Variants in SPDEF observed in about 807,000 individuals in gnomAD.
SPDEF encodes the protein SAM pointed domain containing ETS transcription factor.
A neutral mutation model predicts 36.0 loss-of-function variants in SPDEF; 12 were observed. The observed-to-expected ratio is 0.33, with a 90% CI of 0.21 to 0.54. The LOEUF is 0.54. SPDEF is among the 20% of genes least tolerant of loss of function. The probability of loss-of-function intolerance (pLI) is 0.93; values close to 1 mark genes in which losing one functional copy is unlikely to be tolerated. For synonymous variants in SPDEF, 205 were observed against 193.0 expected (o/e 1.06, Z -0.51); for missense variants, 388 against 456.9 (o/e 0.85, Z 1.37).
intron 1 of SPDEF, among the ~76,000 whole-genome samples, chr6:34,549,681 G>C (rs1269880488): frequency 6.6e-6 from 1 of 152,132 alleles, no homozygotes; most frequent in African/African-American, 2.4e-5. Flanking sequence ...GGGAGATGGT[G>C]GTGTGGGGTA....
rs1283484567 is a variant in SPDEF, at chr6:34,544,972, G to T, written c.-29-488C>A. 6.6e-6 allele frequency among the ~76,000 whole-genome samples: 1 copy of T among 152,210 alleles called. No individual in the cohort carries two copies. Among genetic ancestry groups the T allele is most frequent in the African/African-American group, 2.4e-5 (1 of 41,458 alleles). On this transcript the variant is annotated intron_variant, in intron 1 of 5. Transcript: ENST00000374037. This position sits in a 1 kb window ranked among gnomAD's most constrained non-coding sequence, Gnocchi z 4.4. The stretch of plus-strand genomic sequence containing the variant: ...GGCAGGCAGAGGCCACCATCCTAAA[G>T]GTGGCTATCATCTTCACCAGCAGGG...
chr6:34,547,686 T>C (rs1375534015), intron 1 of SPDEF, among the ~76,000 whole-genome samples: 1 of 152,168 alleles, frequency 6.6e-6, no homozygotes, highest in African/African-American at 2.4e-5. Flanking sequence ...TTCTCATCCC[T>C]ACTTTGCTAA....
intron 1 of SPDEF, among the ~76,000 whole-genome samples, chr6:34,546,196 C>G (rs1767950125): frequency 6.6e-6 from 1 of 152,198 alleles, no homozygotes; most frequent in Non-Finnish European, 1.5e-5. Flanking sequence ...GCCACTGAAT[C>G]AGCAGCTCTG....
At chr6:34,543,195 C>CAAAAAAAAAAAAAAAAAAAA (rs56021909) in intron 2 of SPDEF, among the ~76,000 whole-genome samples, 19 of 69,144 alleles carry the variant, frequency 2.7e-4, no homozygotes, top group African/African-American at 3.9e-4. Context: ...GACTCCATCT[C>CAAAAAAAAAAAAAAAAAAAA]AAAAAAAAAA....
chr6:34,539,096 G>A lies in SPDEF; in HGVS notation c.829+154C>T, dbSNP rs1767755992. On this transcript the variant is annotated intron_variant, in intron 5 of 5. Coordinates refer to ENST00000374037, the MANE Select transcript of SPDEF (RefSeq NM_012391.3). The surrounding 1 kb of genome is among the most constrained non-coding windows in gnomAD (Gnocchi z 5.2). ...CAGATTGCACACAGACCCCAGGGCT[G>A]TCCCATGAGAGCTGCATATTTGGCA... 6.6e-6 allele frequency among the ~76,000 whole-genome samples: 1 copy of A among 152,192 alleles called. No homozygotes were observed. Among genetic ancestry groups the A allele is most frequent in the African/African-American group, 2.4e-5 (1 of 41,428 alleles).
Position 34,538,490 on chromosome 6 carries a change from G to T in SPDEF, c.830-38C>A. The T allele has an allele frequency of 6.4e-7, 1 of 1,572,050 alleles. No individual in the cohort carries two copies. The highest frequency in any genetic ancestry group is 8.7e-7 in the Non-Finnish European group (1 of 1,155,704). ...GGCCCCGAGAGAGCCAGTGGTATGA[G>T]TGAGGTGGCAAGAAGGAGAAAGACG... On this transcript the variant is annotated intron_variant, in intron 5 of 5. Coordinates refer to ENST00000374037, the MANE Select transcript of SPDEF (RefSeq NM_012391.3). The surrounding 1 kb of genome is among the most constrained non-coding windows in gnomAD (Gnocchi z 5.9).
intron 1 of SPDEF, among the ~76,000 whole-genome samples, chr6:34,547,843 G>A (rs1312884898): frequency 6.6e-6 from 1 of 152,070 alleles, no homozygotes; most frequent in Non-Finnish European, 1.5e-5. Context: ...ACCAAGCCTC[G>A]GTCCTAGCTC....
chr6:34,538,407 C>A lies in SPDEF; in HGVS notation c.875G>T (p.Gly292Val). The stretch of plus-strand genomic sequence containing the variant: ...CATGGCGGGACGGTTCTTGCGGATG[C>A]CCCACAGCCGGGCCACCTGGGCTGA... ...EDSAQVARLW[G>V]IRKNRPAMNY... The change falls in exon 6 of 6, where the codon GGC becomes GTC. Residue 292 changes from glycine (G) to valine (V), a missense_variant. By Grantham distance (109) the Gly-to-Val change is moderately radical. Coordinates refer to ENST00000374037, the MANE Select transcript of SPDEF (RefSeq NM_012391.3). The surrounding 1 kb of genome is among the most constrained non-coding windows in gnomAD (Gnocchi z 5.9). The A allele has an allele frequency of 6.2e-7, 1 of 1,613,920 alleles. No homozygotes were observed. Among genetic ancestry groups the A allele is most frequent in the Non-Finnish European group, 8.5e-7 (1 of 1,179,894 alleles).
chr6:34,548,011 T>C (rs182987946), intron 1 of SPDEF, among the ~76,000 whole-genome samples: 196 of 152,282 alleles, frequency 1.3e-3, no homozygotes, highest in African/African-American at 4.2e-3. Flanking sequence ...CAGCCAGGGC[T>C]GGTGTGCCCA....
chr6:34,543,111 G>T (rs1767860440), intron 2 of SPDEF, among the ~76,000 whole-genome samples: 1 of 133,812 alleles, frequency 7.5e-6, no homozygotes. Flanking sequence ...AGAATGGCTT[G>T]AACCCGGGAG....
At chr6:34,548,459 C>A (rs941245700) in intron 1 of SPDEF, among the ~76,000 whole-genome samples, 3 of 152,186 alleles carry the variant, frequency 2.0e-5, no homozygotes, top group African/African-American at 7.2e-5. Context: ...TCTCCCATGG[C>A]TCCCCATTGC....
chr6:34,549,633 T>C, intron 1 of SPDEF, among the ~76,000 whole-genome samples: 1 of 152,182 alleles, frequency 6.6e-6, no homozygotes, highest in Non-Finnish European at 1.5e-5. Context: ...CTGTCTTCCA[T>C]ATCCTGCTTG....
chr6:34,544,587 C>T lies in SPDEF; in HGVS notation c.-29-103G>A, dbSNP rs1385501014. 17 of 977,236 alleles carry T rather than the reference C, an allele frequency of 1.7e-5. No individual in the cohort carries two copies. The highest frequency in any genetic ancestry group is 2.4e-5 in the Non-Finnish European group (17 of 698,426). The allele number at this position is 977,236 out of a possible 1,614,324, so 60.5% of individuals were successfully genotyped here. A position where few individuals can be genotyped will look rare whatever the true frequency, so the allele number is the denominator to read the frequency against. Reference sequence around the variant, plus strand: ...GGGGCCCTGTGGACAGTGGGCTGGGCCTGGGACAGAGTTGGGGGCTTCCGG... The same window carrying T: ...GGGGCCCTGTGGACAGTGGGCTGGGTCTGGGACAGAGTTGGGGGCTTCCGG... On this transcript the variant is annotated intron_variant, in intron 1 of 5. Transcript: ENST00000374037. This position sits in a 1 kb window ranked among gnomAD's most constrained non-coding sequence, Gnocchi z 4.4.
At chr6:34,542,289 A>G (rs76926240) in intron 2 of SPDEF, among the ~76,000 whole-genome samples, 2,875 of 152,298 alleles carry the variant, frequency 0.019, 98 homozygotes, top group African/African-American at 0.063. Flanking sequence ...GATGAGGGAC[A>G]TGGGTCAGGA....
chr6:34,544,102 C>T lies in SPDEF; in HGVS notation c.354G>A (p.Ser118=), dbSNP rs773720584. ...CCACCATGGACTGCACCTGCTCCAG[C>T]GAGTGCTCCTCCAAGGTCAGCCCGC... is the stretch of plus-strand genomic sequence containing the variant. ...VPGGLTLEEH[S]LEQVQSMVVG... Residue 118 remains serine, a synonymous_variant, in exon 2 of 6, where the codon TCG becomes TCA. Coordinates refer to ENST00000374037, the MANE Select transcript of SPDEF (RefSeq NM_012391.3). The surrounding 1 kb of genome is among the most constrained non-coding windows in gnomAD (Gnocchi z 4.4). The T allele has an allele frequency of 4.3e-6, 7 of 1,613,546 alleles. No individual in the cohort carries two copies. The highest frequency in any genetic ancestry group is 3.3e-5 in the South Asian group (3 of 91,030).
intron 1 of SPDEF, among the ~76,000 whole-genome samples, chr6:34,547,256 G>A (rs1250964784): frequency 2.6e-5 from 4 of 151,768 alleles, no homozygotes; most frequent in Non-Finnish European, 5.9e-5. Context: ...GGGGATGAAT[G>A]GGCAGGGCAG....
intron 2 of SPDEF, among the ~76,000 whole-genome samples, chr6:34,543,325 C>T (rs1241813331): frequency 6.6e-6 from 1 of 150,778 alleles, no homozygotes; most frequent in East Asian, 1.9e-4. Flanking sequence ...GATTGATGAG[C>T]AAAACAAATG....
intron 1 of SPDEF, among the ~76,000 whole-genome samples, chr6:34,545,839 C>T (rs535880092): frequency 6.6e-6 from 1 of 151,976 alleles, no homozygotes; most frequent in African/African-American, 2.4e-5. Flanking sequence ...TCACTTGAAC[C>T]CAGGAGGCGG....
chr6:34,550,685 G>A (rs1768040417), intron 1 of SPDEF, among the ~76,000 whole-genome samples: 1 of 152,092 alleles, frequency 6.6e-6, no homozygotes, highest in Non-Finnish European at 1.5e-5. Flanking sequence ...ACCTTGGGGA[G>A]CCAGCTAGTG....
Sources: allele counts gnomAD v4.1 joint callset (sites outside exome capture counted in the v4.1 genomes callset), GRCh38; gene constraint gnomAD v4.1.1; non-coding constraint Gnocchi (gnomAD v3.1); transcripts MANE v1.5; gene names NCBI Gene and HGNC (gene_info 2026-07-23, HGNC 2026-07-21).